Variants in EEF2KMT observed in about 807,000 individuals in gnomAD.
EEF2KMT encodes the protein protein-lysine N-methyltransferase EEF2KMT.
EEF2KMT carries 30 observed loss-of-function variants against 35.1 expected under a neutral mutation model. The ratio of observed to expected loss-of-function variants is 0.85; its 90% CI spans 0.64 to 1.16. The LOEUF is 1.16. Among genes scored for constraint, EEF2KMT ranks in the 50% most tolerant of loss-of-function variants. The pLI, the probability that EEF2KMT is intolerant of heterozygous loss-of-function variation, is 0.00. For synonymous variants in EEF2KMT, 190 were observed against 187.7 expected (o/e 1.01, Z -0.10); for missense variants, 499 against 438.2 (o/e 1.14, Z -1.24).
chr16:5,092,417 C>G (rs1338091546), intron 3 of EEF2KMT, among the ~76,000 whole-genome samples: 1 of 152,220 alleles, frequency 6.6e-6, no homozygotes, highest in Non-Finnish European at 1.5e-5. Flanking sequence ...CTGGCCCCGT[C>G]CTATGATTCA....
intron 1 of EEF2KMT, among the ~76,000 whole-genome samples, chr16:5,096,142 A>AC (rs893880265): frequency 2.0e-5 from 3 of 151,944 alleles, no homozygotes; most frequent in Non-Finnish European, 2.9e-5. Flanking sequence ...TGTTTCCACC[A>AC]CAGGGCCTTT....
chr16:5,085,765 G>A (rs757368497), intron 7 of EEF2KMT, 33 bp from the exon 8 acceptor site: 57 of 1,516,676 alleles, frequency 3.8e-5, no homozygotes, highest in Non-Finnish European at 4.8e-5. Context: ...TGAGGATGGC[G>A]GTGTTTGGGG....
chr16:5,091,858 T>A lies in EEF2KMT; in HGVS notation c.278A>T (p.Tyr93Phe). 6.2e-7 allele frequency: 1 copy of A among 1,611,910 alleles called. No homozygotes were observed. The highest frequency in any genetic ancestry group is 1.1e-5 in the South Asian group (1 of 90,994). ...AVHTEPLDEL[Y>F]EALAETLMAK... ...CATCAGGGTCTCCGCCAGCGCTTCA[T>A]ACAGCTCGTCCAAAGGCTCTGTGTG... is the stretch of plus-strand genomic sequence containing the variant. The change falls in exon 4 of 8, where the codon TAT becomes TTT. Residue 93 changes from tyrosine (Y) to phenylalanine (F), a missense_variant. Coordinates refer to ENST00000427587, the MANE Select transcript of EEF2KMT (RefSeq NM_201400.4).
intron 1 of EEF2KMT, 73 bp from the exon 2 acceptor site, chr16:5,095,587 G>C: frequency 1.9e-6 from 3 of 1,603,940 alleles, no homozygotes; most frequent in Non-Finnish European, 2.6e-6. Context: ...AGAATGTGTT[G>C]GCAAAGCGCT....
Position 5,084,622 on chromosome 16 carries a change from C to T in EEF2KMT, c.*1010G>A. On this transcript the variant is annotated 3_prime_UTR_variant, in exon 8 of 8. Coordinates refer to ENST00000427587, the MANE Select transcript of EEF2KMT (RefSeq NM_201400.4). ...TGCTGGGGTGTGAAGGGTCTCGAGT[C>T]CAAGTGAGGGAGTTAGGGACTTGGG... The T allele has an allele frequency of 6.9e-7, 1 of 1,452,750 alleles. No homozygotes were observed. Among genetic ancestry groups the T allele is most frequent in the Non-Finnish European group, 9.4e-7 (1 of 1,062,972 alleles). The allele number at this position is 1,452,750 out of a possible 1,614,324, so 90.0% of individuals were successfully genotyped here.
Position 5,085,683 on chromosome 16 carries a change from C to A in EEF2KMT, c.942G>T (p.Leu314=), listed in dbSNP as rs1248238194. 1 of 1,611,764 alleles carries A rather than the reference C, an allele frequency of 6.2e-7. No homozygotes were observed. The highest frequency in any genetic ancestry group is 1.7e-5 in the Admixed American group (1 of 59,980). The change falls in exon 8 of 8, where the codon CTG becomes CTT. Residue 314 remains leucine, a synonymous_variant. Coordinates refer to ENST00000427587, the MANE Select transcript of EEF2KMT (RefSeq NM_201400.4). ...WEVEPRHEQK[L]FPYEEHLEMA... is the part of the protein sequence containing the mutation. ...TCTCCAAGTGCTCTTCGTAGGGAAACAGTTTCTGCTCATGACGAGGTTCCA... is the reference window on the plus strand; with the variant it reads ...TCTCCAAGTGCTCTTCGTAGGGAAAAAGTTTCTGCTCATGACGAGGTTCCA...
rs1957326179 is a variant in EEF2KMT at position 5,090,762 on chromosome 16, T to A, written c.343-197A>T. ...TCACGCGGTGTGAAAGACACTCATC[T>A]CAGGCCACACAGGATTCCATTCATC... On this transcript the variant is annotated intron_variant, in intron 4 of 7. Transcript: ENST00000427587. This position sits in a 1 kb window ranked among gnomAD's most constrained non-coding sequence, Gnocchi z 4.1. Among the ~76,000 whole-genome samples, 1 of 152,028 alleles carries A rather than the reference T, an allele frequency of 6.6e-6. No individual in the cohort carries two copies. Among genetic ancestry groups the A allele is most frequent in the African/African-American group, 2.4e-5 (1 of 41,372 alleles).
intron 3 of EEF2KMT, 102 bp from the exon 4 acceptor site, chr16:5,091,997 G>C: frequency 6.4e-7 from 1 of 1,556,012 alleles, no homozygotes. Flanking sequence ...CGATGGAATG[G>C]TATAATACCG....
chr16:5,089,086 C>G, intron 7 of EEF2KMT, 21 bp downstream of exon 7: 1 of 1,611,872 alleles, frequency 6.2e-7, no homozygotes, highest in South Asian at 1.1e-5. Flanking sequence ...CATGCAGGCC[C>G]GGGTGGGCGT....
rs768020685 is a variant in EEF2KMT at position 5,085,749 on chromosome 16, T to C, written c.893-17A>G. The stretch of plus-strand genomic sequence containing the variant: ...CGGCCCGGCCTGGAAACAGAGCACA[T>C]GTGTTTGAGGATGGCGGTGTTTGGG... On this transcript the variant is annotated splice_polypyrimidine_tract_variant and intron_variant, in intron 7 of 7. Transcript: ENST00000427587. The C allele has an allele frequency of 6.3e-7, 1 of 1,591,968 alleles. No homozygotes were observed. Among genetic ancestry groups the C allele is most frequent in the South Asian group, 1.1e-5 (1 of 90,564 alleles).
chr16:5,097,743 G>C lies in EEF2KMT; in HGVS notation c.-4C>G, dbSNP rs1297087148. On this transcript the variant is annotated 5_prime_UTR_variant, in exon 1 of 8. Coordinates refer to ENST00000427587, the MANE Select transcript of EEF2KMT (RefSeq NM_201400.4). ...CCGCGTTCTCCTCGGGCGCCATGAC[G>C]TGGGCGGGGCCGCAGCGTTGCCGGC... 4.5e-6 allele frequency: 7 copies of C among 1,556,452 alleles called. 1 individual carries two copies. The South Asian group carries it at 4.7e-5, about 10-fold the overall frequency.
chr16:5,084,534 T>C lies in EEF2KMT; in HGVS notation c.*1098A>G. ...GGGAGGTGCTCCAGGGCACCAAGTG[T>C]GGGAAAGTGGGACATGCGGGGAAGT... On this transcript the variant is annotated 3_prime_UTR_variant, in exon 8 of 8. Transcript: ENST00000427587. The C allele has an allele frequency of 5.4e-6, 4 of 746,502 alleles. No homozygotes were observed. In the South Asian group the frequency reaches 6.9e-5, roughly 13 times the overall value. The allele number at this position is 746,502 out of a possible 1,614,324, so 46.2% of individuals were successfully genotyped here.
intron 2 of EEF2KMT, 118 bp downstream of exon 2, chr16:5,095,329 GGTTTT>G: frequency 1.3e-6 from 2 of 1,487,790 alleles, no homozygotes; most frequent in Admixed American, 3.7e-5. Context: ...CTGACTCAAT[GGTTTT>G]GTTTTTTGAA....
chr16:5,089,018 T>G, intron 7 of EEF2KMT, 89 bp downstream of exon 7: 2 of 1,602,572 alleles, frequency 1.2e-6, no homozygotes, highest in Non-Finnish European at 1.7e-6. Flanking sequence ...AACCTAGCTT[T>G]TCCCCGGCAC....
intron 3 of EEF2KMT, among the ~76,000 whole-genome samples, chr16:5,092,910 A>G (rs1478732815): frequency 6.6e-6 from 1 of 152,006 alleles, no homozygotes; most frequent in African/African-American, 2.4e-5. Context: ...CAGGGAGCCG[A>G]GATTGTGTCA....
chr16:5,090,663 G>T lies in EEF2KMT; in HGVS notation c.343-98C>A. 3 of 1,493,774 alleles carry T rather than the reference G, an allele frequency of 2.0e-6. No homozygotes were observed. Among genetic ancestry groups the T allele is most frequent in the Non-Finnish European group, 2.8e-6 (3 of 1,089,372 alleles). 92.5% of individuals were successfully genotyped at this position (1,493,774 alleles called of 1,614,324 possible). A position where few individuals can be genotyped will look rare whatever the true frequency, so the allele number is the denominator to read the frequency against. ...CCACATGGCTGAATAAACCATGACA[G>T]GACCAATCGCCACTCAGCAATGAGA... On this transcript the variant is annotated intron_variant, in intron 4 of 7. Coordinates refer to ENST00000427587, the MANE Select transcript of EEF2KMT (RefSeq NM_201400.4). The surrounding 1 kb of genome is among the most constrained non-coding windows in gnomAD (Gnocchi z 4.1).
chr16:5,085,658 T>C lies in EEF2KMT; in HGVS notation c.967A>G (p.Met323Val), dbSNP rs201345819. The stretch of plus-strand genomic sequence containing the variant: ...TACAGGGTGAGATTCAGCATTGCCA[T>C]CTCCAAGTGCTCTTCGTAGGGAAAC... ...KLFPYEEHLE[M>V]AMLNLTL is the part of the protein sequence containing the mutation. The change falls in exon 8 of 8, where the codon ATG becomes GTG. Residue 323 changes from methionine to valine, a missense_variant. By Grantham distance (21) the Met-to-Val change is conservative. Transcript: ENST00000427587. The C allele has an allele frequency of 1.9e-4, 301 of 1,611,016 alleles. 1 individual carries two copies. Among genetic ancestry groups the C allele is most frequent in the Non-Finnish European group, 2.5e-4 (291 of 1,179,146 alleles).
rs1202395313 is a variant in EEF2KMT, at chr16:5,090,023, C to A, written c.742+61G>T. The A allele has an allele frequency of 6.3e-7, 1 of 1,595,258 alleles. No individual in the cohort carries two copies. Among genetic ancestry groups the A allele is most frequent in the South Asian group, 1.1e-5 (1 of 90,650 alleles). On this transcript the variant is annotated intron_variant, in intron 6 of 7. Transcript: ENST00000427587. The surrounding 1 kb of genome is among the most constrained non-coding windows in gnomAD (Gnocchi z 4.1). The stretch of plus-strand genomic sequence containing the variant: ...GTCCATTGTTCCCTTTTCCCAGAGC[C>A]AAGAGCTGGGTAGAGCTGCAAGGAC...
In EEF2KMT at chr16:5,097,745, G is replaced by C. The variant is rs1035871705; in HGVS notation, c.-6C>G. The C allele has an allele frequency of 4.5e-6, 7 of 1,554,334 alleles. No homozygotes were observed. Among genetic ancestry groups the C allele is most frequent in the Non-Finnish European group, 5.2e-6 (6 of 1,155,642 alleles). ...GCGTTCTCCTCGGGCGCCATGACGT[G>C]GGCGGGGCCGCAGCGTTGCCGGCAG... On this transcript the variant is annotated 5_prime_UTR_variant, in exon 1 of 8. Coordinates refer to ENST00000427587, the MANE Select transcript of EEF2KMT (RefSeq NM_201400.4).
Sources: allele counts gnomAD v4.1 joint callset (sites outside exome capture counted in the v4.1 genomes callset), GRCh38; gene constraint gnomAD v4.1.1; non-coding constraint Gnocchi (gnomAD v3.1); transcripts MANE v1.5; gene names NCBI Gene and HGNC (gene_info 2026-07-23, HGNC 2026-07-21).